Variants in ROBO1 observed in about 807,000 individuals in gnomAD.
The protein encoded by ROBO1 is roundabout homolog 1.
A neutral mutation model predicts 195.9 loss-of-function variants in ROBO1; 149 were observed. The ratio of observed to expected loss-of-function variants is 0.76; its 90% CI spans 0.67 to 0.87. The LOEUF is 0.87. Ranked by LOEUF, ROBO1 falls within the 40% of genes least tolerant of loss-of-function variation. The probability of loss-of-function intolerance (pLI) is 0.00; values close to 1 mark genes in which losing one functional copy is unlikely to be tolerated. For missense variants in ROBO1, 1,933 were observed against 2,068.3 expected (o/e 0.93, Z 1.27); for synonymous variants, 816 against 733.2 (o/e 1.11, Z -1.82).
At chr3:79,150,708 A>C (rs1250785316) in intron 2 of ROBO1, among the ~76,000 whole-genome samples, 2 of 151,890 alleles carry the variant, frequency 1.3e-5, no homozygotes, top group Non-Finnish European at 2.9e-5. Context: ...TATTTCAGAA[A>C]GAGCTACAGG....
chr3:79,558,971 G>A (rs1942810293), intron 2 of ROBO1, among the ~76,000 whole-genome samples: 1 of 152,092 alleles, frequency 6.6e-6, no homozygotes, highest in African/African-American at 2.4e-5. Context: ...TTAGCTTGTG[G>A]CTTTTTCAAT....
intron 2 of ROBO1, among the ~76,000 whole-genome samples, chr3:79,147,038 G>C (rs1375652354): frequency 6.6e-6 from 1 of 151,940 alleles, no homozygotes; most frequent in African/African-American, 2.4e-5. Flanking sequence ...GGTAAACAGT[G>C]TAAAAGCGTC....
At chr3:79,536,408 T>C (rs1339637368) in intron 2 of ROBO1, among the ~76,000 whole-genome samples, 1 of 148,002 alleles carries the variant, frequency 6.8e-6, no homozygotes, top group Admixed American at 6.9e-5. Context: ...GAGCAAATTA[T>C]ATTCCATCGC....
chr3:78,879,015 T>C (rs1026695953), intron 4 of ROBO1, among the ~76,000 whole-genome samples: 1 of 152,224 alleles, frequency 6.6e-6, no homozygotes, highest in African/African-American at 2.4e-5. Context: ...TTGTTGTTGC[T>C]GCTCTTTGAA....
intron 4 of ROBO1, among the ~76,000 whole-genome samples, chr3:78,780,315 A>G (rs2083637029): frequency 6.6e-6 from 1 of 152,204 alleles, no homozygotes; most frequent in South Asian, 2.1e-4. Flanking sequence ...TACGTGTTAA[A>G]GCAGCATATT....
At chr3:79,602,300 G>C (rs1944361686) in intron 1 of ROBO1, among the ~76,000 whole-genome samples, 1 of 152,000 alleles carries the variant, frequency 6.6e-6, no homozygotes, top group South Asian at 2.1e-4. Context: ...CATGCACAAA[G>C]ATGTAACAAA....
intron 2 of ROBO1, among the ~76,000 whole-genome samples, chr3:79,389,175 A>G (rs2036860222): frequency 1.3e-5 from 2 of 152,060 alleles, no homozygotes; most frequent in African/African-American, 2.4e-5. Context: ...AATAAAATAG[A>G]ATAAAAAACT....
intron 3 of ROBO1, among the ~76,000 whole-genome samples, chr3:79,114,986 G>A (rs994316874): frequency 6.6e-6 from 1 of 152,066 alleles, no homozygotes; most frequent in South Asian, 2.1e-4. Flanking sequence ...AGACCACCTA[G>A]GACTTTTTAA....
intron 4 of ROBO1, among the ~76,000 whole-genome samples, chr3:78,803,986 C>T (rs1175047034): frequency 2.0e-5 from 3 of 152,114 alleles, no homozygotes; most frequent in Non-Finnish European, 2.9e-5. Context: ...AAATCATATG[C>T]ACCTAGACCA....
At chr3:78,758,336 C>T (rs1472765896) in intron 4 of ROBO1, among the ~76,000 whole-genome samples, 1 of 151,930 alleles carries the variant, frequency 6.6e-6, no homozygotes, top group African/African-American at 2.4e-5. Flanking sequence ...CTGGGCAATA[C>T]AGTGGGACAC....
chr3:78,606,790 G>A lies in ROBO1; in HGVS notation c.4687C>T (p.Arg1563Cys), dbSNP rs568371684. The A allele has an allele frequency of 3.0e-5, 48 of 1,613,808 alleles. No individual in the cohort carries two copies. The highest frequency in any genetic ancestry group is 1.6e-4 in the East Asian group (7 of 44,870). The change falls in exon 29 of 31, where the codon CGT (arginine) becomes TGT (cysteine). Residue 1563 changes from arginine (R) to cysteine (C), a missense_variant. By Grantham distance (180) the Arg-to-Cys change is radical. Coordinates refer to ENST00000464233, the MANE Select transcript of ROBO1 (RefSeq NM_002941.4). ...TCTCGTTTTGCTGCCTTGTTTCCAC[G>A]TCCTTTCCCGTCATTTTGCTGTTCC... is the stretch of plus-strand genomic sequence containing the variant. ...AQEQQNDGKG[R>C]GNKAAKRDLP...
intron 2 of ROBO1, among the ~76,000 whole-genome samples, chr3:79,461,740 T>C (rs1286994027): frequency 6.6e-6 from 1 of 152,198 alleles, no homozygotes; most frequent in East Asian, 1.9e-4. Context: ...ATCTTAGAAC[T>C]AAGATGCCAT....
chr3:79,191,423 C>A (rs2081537476), intron 2 of ROBO1, among the ~76,000 whole-genome samples: 1 of 151,366 alleles, frequency 6.6e-6, no homozygotes, highest in African/African-American at 2.4e-5. Flanking sequence ...TGCTCACCCA[C>A]TACAACACAA....
Position 78,876,856 on chromosome 3 carries a change from T to C in ROBO1, c.499+61745A>G, listed in dbSNP as rs115432257. On this transcript the variant is annotated intron_variant, in intron 4 of 30. Coordinates refer to ENST00000464233, the MANE Select transcript of ROBO1 (RefSeq NM_002941.4). ...GTGAAGACTCTAAACCAAAGGTGTA[T>C]CTTTAAAATTCCACTAGATTTTTTT... 4.8e-3 allele frequency among the ~76,000 whole-genome samples: 733 copies of C among 152,228 alleles called. 7 individuals are homozygous for C. The highest frequency in any genetic ancestry group is 0.017 in the African/African-American group (693 of 41,524).
chr3:79,276,500 C>A (rs1454567701), intron 2 of ROBO1, among the ~76,000 whole-genome samples: 1 of 151,918 alleles, frequency 6.6e-6, no homozygotes, highest in Non-Finnish European at 1.5e-5. Flanking sequence ...AAATCTAAGA[C>A]CTCAAACTAT....
chr3:79,715,540 G>A (rs1702449417), intron 1 of ROBO1, among the ~76,000 whole-genome samples: 1 of 152,084 alleles, frequency 6.6e-6, no homozygotes, highest in South Asian at 2.1e-4. Context: ...CACATTTAAT[G>A]TAGTACAGTA....
At chr3:79,413,492 T>C (rs1359430864) in intron 2 of ROBO1, among the ~76,000 whole-genome samples, 1 of 152,000 alleles carries the variant, frequency 6.6e-6, no homozygotes, top group Non-Finnish European at 1.5e-5. Flanking sequence ...GAAAGCTCTG[T>C]GAATGGTGGC....
At chr3:79,482,014 T>A (rs1938888519) in intron 2 of ROBO1, among the ~76,000 whole-genome samples, 1 of 152,190 alleles carries the variant, frequency 6.6e-6, no homozygotes, top group African/African-American at 2.4e-5. Context: ...ATCTTTGTAA[T>A]CTGTATTCCT....
intron 2 of ROBO1, among the ~76,000 whole-genome samples, chr3:79,424,664 G>T (rs2038372015): frequency 6.6e-6 from 1 of 151,830 alleles, no homozygotes; most frequent in Non-Finnish European, 1.5e-5. Flanking sequence ...CCCAAATATG[G>T]TGCTCCCCAA....
Sources: allele counts gnomAD v4.1 joint callset (sites outside exome capture counted in the v4.1 genomes callset), GRCh38; gene constraint gnomAD v4.1.1; transcripts MANE v1.5; gene names NCBI Gene and HGNC (gene_info 2026-07-23, HGNC 2026-07-21).